Variants in TLK1 observed in about 807,000 individuals in gnomAD.
TLK1 encodes the protein tousled like kinase 1, also known as serine/threonine-protein kinase tousled-like 1.
In TLK1, 24 loss-of-function variants were observed where a neutral mutation model predicts 105.3. The observed-to-expected ratio is 0.23, with a 90% CI of 0.17 to 0.32. The LOEUF (loss-of-function observed/expected upper bound fraction) is 0.32, where lower values mean the gene tolerates loss of function less well. Among genes scored for constraint, TLK1 ranks in the 10% least tolerant of loss-of-function variants. The pLI, the probability that TLK1 is intolerant of heterozygous loss-of-function variation, is 1.00. For missense variants in TLK1, 558 were observed against 910.5 expected, an observed-to-expected ratio of 0.61 and a Z score of 4.98; for synonymous variants, 321 against 310.4, an observed-to-expected ratio of 1.03 and a Z score of -0.36.
chr2:171,090,222 TAAC>T (rs1160214223), intron 2 of TLK1, among the ~76,000 whole-genome samples: 1 of 152,184 alleles, frequency 6.6e-6, no homozygotes, highest in Admixed American at 6.5e-5. Flanking sequence ...ATATTTATAT[TAAC>T]AATTTTTAAT....
rs1685887190 is a variant in TLK1, at chr2:171,028,537, A to G, written c.1170-132T>C. On this transcript the variant is annotated intron_variant, in intron 11 of 20. Coordinates refer to ENST00000431350, the MANE Select transcript of TLK1 (RefSeq NM_012290.5). ...TAAGCCCAAAATGTATGAGCCAAAA[A>G]TCCTTTGAGATATTCTTCAGAATAT... The G allele has an allele frequency of 1.5e-5, 9 of 593,938 alleles. No individual in the cohort carries two copies. In the East Asian group the frequency reaches 2.6e-4, roughly 17 times the overall value. The allele number at this position is 593,938 out of a possible 1,614,324, so 36.8% of individuals were successfully genotyped here.
chr2:171,105,868 G>A (rs1689902518), intron 2 of TLK1, among the ~76,000 whole-genome samples: 1 of 152,076 alleles, frequency 6.6e-6, no homozygotes, highest in South Asian at 2.1e-4. Flanking sequence ...TATACACAAA[G>A]GAAAGGAAAT....
At chr2:171,022,437 C>A (rs953939393) in intron 12 of TLK1, among the ~76,000 whole-genome samples, 2 of 152,104 alleles carry the variant, frequency 1.3e-5, no homozygotes, top group East Asian at 3.8e-4. Context: ...TACACACACA[C>A]ACACCTCCCT....
At chr2:171,144,746 A>G (rs189534196) in intron 1 of TLK1, among the ~76,000 whole-genome samples, 15 of 152,178 alleles carry the variant, frequency 9.9e-5, no homozygotes, top group Admixed American at 3.9e-4. Flanking sequence ...TGAACTTGAG[A>G]TAAGAAAAGG....
In TLK1 at chr2:171,066,970, T is replaced by C. The variant is rs1688027707; in HGVS notation, c.331-5814A>G. ...AATGTTGGCATTTTGAAAGTGCTTGTAATAGTCAAATTCAGAGCTGTGGTC... is the reference window on the plus strand; with the variant it reads ...AATGTTGGCATTTTGAAAGTGCTTGCAATAGTCAAATTCAGAGCTGTGGTC... On this transcript the variant is annotated intron_variant, in intron 3 of 20. Coordinates refer to ENST00000431350, the MANE Select transcript of TLK1 (RefSeq NM_012290.5). 3 of 1,537,044 alleles carry C rather than the reference T, an allele frequency of 2.0e-6. No individual in the cohort carries two copies. The Admixed American group carries it at 6.2e-5, about 32-fold the overall frequency.
intron 12 of TLK1, among the ~76,000 whole-genome samples, chr2:171,020,583 G>A (rs1051161733): frequency 6.6e-6 from 1 of 151,016 alleles, no homozygotes; most frequent in Non-Finnish European, 1.5e-5. Context: ...AAAAGGAAGG[G>A]CAGTGCAAAA....
At chr2:171,038,036 T>C (rs1428374791) in intron 11 of TLK1, among the ~76,000 whole-genome samples, 1 of 152,262 alleles carries the variant, frequency 6.6e-6, no homozygotes, top group African/African-American at 2.4e-5. Flanking sequence ...TATTTAATAG[T>C]TACAGAACTA....
At chr2:171,014,628 A>G (rs1685084971) in intron 13 of TLK1, among the ~76,000 whole-genome samples, 1 of 152,204 alleles carries the variant, frequency 6.6e-6, no homozygotes, top group Non-Finnish European at 1.5e-5. Context: ...GGTAAGCACA[A>G]AAGCCCACTG....
At chr2:171,014,726 G>C (rs946417136) in intron 13 of TLK1, 125 bp downstream of exon 13, 1 of 707,564 alleles carries the variant, frequency 1.4e-6, no homozygotes, top group African/African-American at 1.8e-5. Flanking sequence ...CAAGCCATGG[G>C]AAGGACTTTG....
chr2:171,094,699 C>T (rs1689380291), intron 2 of TLK1, among the ~76,000 whole-genome samples: 1 of 152,128 alleles, frequency 6.6e-6, no homozygotes, highest in South Asian at 2.1e-4. Flanking sequence ...ACCTCCACCT[C>T]CCAGGTTCAA....
At chr2:171,142,699 T>A (rs1381430662) in intron 1 of TLK1, among the ~76,000 whole-genome samples, 3 of 152,198 alleles carry the variant, frequency 2.0e-5, no homozygotes, top group African/African-American at 7.2e-5. Context: ...TTTGTCTGAA[T>A]AGGAGCAAAC....
intron 1 of TLK1, among the ~76,000 whole-genome samples, chr2:171,169,829 CAG>C (rs1196112930): frequency 1.3e-5 from 2 of 152,120 alleles, no homozygotes; most frequent in Non-Finnish European, 2.9e-5. Flanking sequence ...TTCTTTTCCG[CAG>C]ATAGTTAAAA....
At chr2:171,155,298 C>T (rs946249657) in intron 1 of TLK1, among the ~76,000 whole-genome samples, 1 of 152,170 alleles carries the variant, frequency 6.6e-6, no homozygotes, top group Non-Finnish European at 1.5e-5. Flanking sequence ...AAATATATTA[C>T]AACTCTACTA....
chr2:171,162,088 CTTGA>C (rs1692517086), upstream of TLK1, among the ~76,000 whole-genome samples: 2 of 152,252 alleles, frequency 1.3e-5, no homozygotes, highest in Non-Finnish European at 2.9e-5. Flanking sequence ...AGAAAAGAAC[CTTGA>C]TTGTCAGTTA....
intron 1 of TLK1, among the ~76,000 whole-genome samples, chr2:171,197,610 A>G (rs1183077967): frequency 6.6e-6 from 1 of 152,028 alleles, no homozygotes; most frequent in African/African-American, 2.4e-5. Context: ...GAAACCCTGT[A>G]TCTACTAAAA....
intron 1 of TLK1, among the ~76,000 whole-genome samples, chr2:171,200,666 T>C (rs1693381694): frequency 6.6e-6 from 1 of 152,152 alleles, no homozygotes; most frequent in South Asian, 2.1e-4. Context: ...GCCATGATAG[T>C]ACTTGTGAAT....
At chr2:171,189,104 C>A (rs556501160) in intron 1 of TLK1, among the ~76,000 whole-genome samples, 1 of 151,698 alleles carries the variant, frequency 6.6e-6, no homozygotes, top group Non-Finnish European at 1.5e-5. Context: ...ATCCATGTAA[C>A]CAGAATATAG....
chr2:171,211,205 A>C (rs1297847568), intron 1 of TLK1, among the ~76,000 whole-genome samples: 1 of 152,234 alleles, frequency 6.6e-6, no homozygotes, highest in African/African-American at 2.4e-5. Context: ...AACACAGTTT[A>C]CATTGCTGTA....
intron 1 of TLK1, among the ~76,000 whole-genome samples, chr2:171,168,607 C>T (rs1458828453): frequency 6.6e-6 from 1 of 151,918 alleles, no homozygotes; most frequent in Non-Finnish European, 1.5e-5. Context: ...AAAAAGAATT[C>T]ATAGTTTGGA....
Sources: gnomAD v4.1 joint callset for allele counts (sites outside exome capture counted in the v4.1 genomes callset) on GRCh38, gnomAD v4.1.1 for gene constraint, MANE v1.5 for transcripts, NCBI Gene and HGNC (gene_info 2026-07-23, HGNC 2026-07-21) for gene names.